DLGAP1: variants seen among roughly 807,000 people sequenced by gnomAD.
DLGAP1 encodes the protein disks large-associated protein 1.
A neutral mutation model predicts 90.8 loss-of-function variants in DLGAP1; 11 were observed. That is an observed-to-expected ratio of 0.12 (90% CI 0.08 to 0.20). The LOEUF (loss-of-function observed/expected upper bound fraction) is 0.20. Among genes scored for constraint, DLGAP1 ranks in the 10% least tolerant of loss-of-function variants. The pLI is 1.00. For synonymous variants in DLGAP1, 558 were observed against 540.7 expected, an observed-to-expected ratio of 1.03 and a Z score of -0.44; for missense variants, 1,050 against 1,333.8, an observed-to-expected ratio of 0.79 and a Z score of 3.31.
At chr18:3,601,899 C>T (rs552163225) in intron 7 of DLGAP1, among the ~76,000 whole-genome samples, 1 of 148,040 alleles carries the variant, frequency 6.8e-6, no homozygotes, top group Non-Finnish European at 1.5e-5. Flanking sequence ...ATCCCAGCTA[C>T]TCAGGAGGCT....
intron 2 of DLGAP1, among the ~76,000 whole-genome samples, chr18:4,067,686 A>T (rs189094335): frequency 1.3e-3 from 204 of 152,130 alleles, no homozygotes; most frequent in African/African-American, 4.6e-3. Context: ...CCCTTATCTT[A>T]ACCCAGACAC....
At chr18:4,045,988 T>G (rs910572086) in intron 2 of DLGAP1, among the ~76,000 whole-genome samples, 1 of 152,074 alleles carries the variant, frequency 6.6e-6, no homozygotes, top group African/African-American at 2.4e-5. Flanking sequence ...CTTTAAAAAA[T>G]TACTAAGAAT....
At chr18:4,178,327 C>T (rs974777452) in intron 1 of DLGAP1, among the ~76,000 whole-genome samples, 27 of 151,896 alleles carry the variant, frequency 1.8e-4, no homozygotes, top group Non-Finnish European at 1.8e-4. Context: ...CCTCCTGCCT[C>T]GGCCTCCCTA....
At chr18:4,089,999 C>A (rs373303854) in intron 2 of DLGAP1, among the ~76,000 whole-genome samples, 1 of 151,954 alleles carries the variant, frequency 6.6e-6, no homozygotes, top group Admixed American at 6.6e-5. Flanking sequence ...GAGCCAAGAT[C>A]GCGCCGCTGC....
chr18:3,968,210 A>C (rs1289404116), intron 3 of DLGAP1, among the ~76,000 whole-genome samples: 1 of 152,172 alleles, frequency 6.6e-6, no homozygotes, highest in East Asian at 1.9e-4. Context: ...CTGTATCTTA[A>C]ATCCTTCACT....
At chr18:4,135,790 CTTTT>C (rs58513784) in intron 2 of DLGAP1, among the ~76,000 whole-genome samples, 5 of 127,334 alleles carry the variant, frequency 3.9e-5, no homozygotes, top group African/African-American at 6.0e-5. Context: ...GAATCTGATT[CTTTT>C]TTTTTTTTTT....
At chr18:4,186,748 G>A (rs58850135) in intron 1 of DLGAP1, among the ~76,000 whole-genome samples, 9,862 of 152,084 alleles carry the variant, frequency 0.065, 833 homozygotes, top group East Asian at 0.23. Context: ...GGATTGCCTT[G>A]GCTACTCAGG....
chr18:3,792,961 C>T lies in DLGAP1; in HGVS notation c.1172+21098G>A, dbSNP rs141385522. The stretch of plus-strand genomic sequence containing the variant: ...CTGGTGTCTCGACCTCCCTCAGGGA[C>T]GGGTTTGCCCAACCCCATTGAGCCG... On this transcript the variant is annotated intron_variant, in intron 5 of 12. Coordinates refer to ENST00000315677, the MANE Select transcript of DLGAP1 (RefSeq NM_004746.4). Among the ~76,000 whole-genome samples, 504 of 152,244 alleles carry T rather than the reference C, an allele frequency of 3.3e-3. 4 individuals are homozygous for T. The highest frequency in any genetic ancestry group is 0.011 in the African/African-American group (462 of 41,542).
intron 1 of DLGAP1, among the ~76,000 whole-genome samples, chr18:4,435,231 C>T (rs933226408): frequency 6.6e-6 from 1 of 152,184 alleles, no homozygotes; most frequent in Middle Eastern, 3.4e-3. Flanking sequence ...GAGTTGTGGA[C>T]AGGAAGCTTA....
intron 2 of DLGAP1, among the ~76,000 whole-genome samples, chr18:4,119,467 C>T (rs952285772): frequency 6.6e-6 from 1 of 152,200 alleles, no homozygotes; most frequent in African/African-American, 2.4e-5. Flanking sequence ...CTAATCCTCA[C>T]TCAGATCGAT....
At chr18:4,127,655 T>C (rs2076251136) in intron 2 of DLGAP1, among the ~76,000 whole-genome samples, 1 of 152,166 alleles carries the variant, frequency 6.6e-6, no homozygotes. Flanking sequence ...ATTGTAAGAA[T>C]CATACATTTG....
At chr18:4,239,793 G>A (rs993606662) in intron 1 of DLGAP1, among the ~76,000 whole-genome samples, 3 of 152,112 alleles carry the variant, frequency 2.0e-5, no homozygotes, top group Non-Finnish European at 4.4e-5. Flanking sequence ...ATATTTATTT[G>A]GAAGGTTTAC....
intron 1 of DLGAP1, among the ~76,000 whole-genome samples, chr18:4,338,902 C>T (rs928545052): frequency 3.6e-4 from 55 of 152,072 alleles, no homozygotes; most frequent in Non-Finnish European, 6.8e-4. Context: ...TTCAAAAATA[C>T]GTTATTTGCT....
intron 1 of DLGAP1, among the ~76,000 whole-genome samples, chr18:4,230,767 A>C (rs1893607709): frequency 6.6e-6 from 1 of 151,048 alleles, no homozygotes; most frequent in Non-Finnish European, 1.5e-5. Flanking sequence ...TAACTTAAAA[A>C]GTATGATTGG....
intron 1 of DLGAP1, among the ~76,000 whole-genome samples, chr18:4,351,917 C>G (rs1457337393): frequency 1.3e-5 from 2 of 152,232 alleles, no homozygotes; most frequent in African/African-American, 4.8e-5. Flanking sequence ...CTGTTAAAAG[C>G]AACACGTAGT....
intron 1 of DLGAP1, among the ~76,000 whole-genome samples, chr18:4,387,769 A>G (rs1438471077): frequency 6.6e-6 from 1 of 152,170 alleles, no homozygotes; most frequent in East Asian, 1.9e-4. Context: ...CGTCTCTACT[A>G]AAAATACAAA....
intron 2 of DLGAP1, among the ~76,000 whole-genome samples, chr18:4,147,824 G>C (rs1382884087): frequency 6.6e-6 from 1 of 152,176 alleles, no homozygotes; most frequent in Non-Finnish European, 1.5e-5. Context: ...CTTTCATTGT[G>C]ATCAGTCTTT....
intron 3 of DLGAP1, among the ~76,000 whole-genome samples, chr18:3,907,367 G>T (rs1448754953): frequency 1.3e-5 from 2 of 152,128 alleles, no homozygotes; most frequent in Non-Finnish European, 2.9e-5. Flanking sequence ...ATAATGACTG[G>T]TGCTACCAGA....
chr18:4,238,413 T>C (rs560831719), intron 1 of DLGAP1, among the ~76,000 whole-genome samples: 8 of 152,338 alleles, frequency 5.3e-5, no homozygotes, highest in African/African-American at 1.9e-4. Context: ...AGCTTTTTAA[T>C]TTAAGTCAAT....
Sources: gnomAD v4.1 joint callset for allele counts (sites outside exome capture counted in the v4.1 genomes callset) on GRCh38, gnomAD v4.1.1 for gene constraint, MANE v1.5 for transcripts, NCBI Gene and HGNC (gene_info 2026-07-23, HGNC 2026-07-21) for gene names.